The following OSTF1 variants were observed in gnomAD, a reference collection of about 807,000 sequenced individuals.
The protein encoded by OSTF1 is osteoclast-stimulating factor 1.
Under a neutral mutation model 37.2 loss-of-function variants are expected in OSTF1, and 27 were observed. The observed-to-expected ratio is 0.73, with a 90% CI of 0.54 to 1.00. The LOEUF (loss-of-function observed/expected upper bound fraction) is 1.00, where lower values mean the gene tolerates loss of function less well. Among genes scored for constraint, OSTF1 ranks in the 50% least tolerant of loss-of-function variants. The probability of loss-of-function intolerance (pLI) is 0.00; values close to 1 mark genes in which losing one functional copy is unlikely to be tolerated. For missense variants in OSTF1, 232 were observed against 253.8 expected, an observed-to-expected ratio of 0.91 and a Z score of 0.58; for synonymous variants, 82 against 89.2, an observed-to-expected ratio of 0.92 and a Z score of 0.46.
At chr9:75,115,226 C>T (rs1825461381) in intron 1 of OSTF1, among the ~76,000 whole-genome samples, 1 of 152,092 alleles carries the variant, frequency 6.6e-6, no homozygotes, top group Non-Finnish European at 1.5e-5. Flanking sequence ...TTTTCTTGTC[C>T]TAGATAACCA....
chr9:75,112,215 C>T (rs1174349573), intron 1 of OSTF1, among the ~76,000 whole-genome samples: 1 of 151,504 alleles, frequency 6.6e-6, no homozygotes, highest in Non-Finnish European at 1.5e-5. Flanking sequence ...AATGTATAGA[C>T]CTATAGAACA....
At chr9:75,096,880 T>G (rs1204025279) in intron 1 of OSTF1, among the ~76,000 whole-genome samples, 5 of 152,180 alleles carry the variant, frequency 3.3e-5, no homozygotes, top group Admixed American at 3.3e-4. Context: ...AGTCTCATCC[T>G]TCCTTATTTG....
intron 1 of OSTF1, among the ~76,000 whole-genome samples, chr9:75,110,007 A>G (rs537676854): frequency 3.6e-4 from 55 of 152,302 alleles, no homozygotes; most frequent in African/African-American, 1.1e-3. Flanking sequence ...CCCCTCCATT[A>G]TCAACATCCC....
chr9:75,093,023 C>T (rs756214055), intron 1 of OSTF1, among the ~76,000 whole-genome samples: 2 of 149,188 alleles, frequency 1.3e-5, no homozygotes, highest in South Asian at 2.1e-4. Context: ...TTTATGATAC[C>T]CTCTTTCTTT....
chr9:75,116,428 C>T (rs1194425101), intron 1 of OSTF1, among the ~76,000 whole-genome samples: 2 of 152,028 alleles, frequency 1.3e-5, no homozygotes, highest in East Asian at 1.9e-4. Context: ...TTCCTGCCCT[C>T]AAATGAGACA....
intron 8 of OSTF1, among the ~76,000 whole-genome samples, chr9:75,138,023 G>A (rs890753685): frequency 1.3e-5 from 2 of 152,162 alleles, no homozygotes; most frequent in Non-Finnish European, 2.9e-5. Flanking sequence ...AGAATGATGC[G>A]GCTGCAATGT....
intron 1 of OSTF1, among the ~76,000 whole-genome samples, chr9:75,114,483 G>T (rs1282461944): frequency 6.6e-6 from 1 of 152,072 alleles, no homozygotes; most frequent in South Asian, 2.1e-4. Flanking sequence ...TTCTATTATT[G>T]TGTGAAGTTA....
At chr9:75,106,502 G>A (rs1825286147) in intron 1 of OSTF1, among the ~76,000 whole-genome samples, 1 of 151,798 alleles carries the variant, frequency 6.6e-6, no homozygotes, top group South Asian at 2.1e-4. Context: ...CAAATTAGCT[G>A]GACATGGTGG....
intron 1 of OSTF1, among the ~76,000 whole-genome samples, chr9:75,101,230 G>A (rs1036544155): frequency 2.0e-5 from 3 of 152,144 alleles, no homozygotes; most frequent in Admixed American, 6.6e-5. Context: ...GAGTCAGGGC[G>A]TCAGGTCAGG....
chr9:75,108,481 A>C (rs1234926554), intron 1 of OSTF1, among the ~76,000 whole-genome samples: 1 of 152,030 alleles, frequency 6.6e-6, no homozygotes, highest in Non-Finnish European at 1.5e-5. Context: ...ATAAATGATT[A>C]TTCATTGTTG....
intron 3 of OSTF1, 80 bp downstream of exon 3, chr9:75,127,699 A>C (rs1825683239): frequency 1.3e-6 from 1 of 769,778 alleles, no homozygotes; most frequent in African/African-American, 1.8e-5. Flanking sequence ...ATTTAAATAT[A>C]TATGTACATA....
chr9:75,094,732 C>A (rs545851950), intron 1 of OSTF1, among the ~76,000 whole-genome samples: 4 of 152,152 alleles, frequency 2.6e-5, no homozygotes, highest in Admixed American at 2.0e-4. Context: ...ATTCTCTTAT[C>A]AAATTAAAGG....
chr9:75,092,696 C>T (rs1479528287), intron 1 of OSTF1, among the ~76,000 whole-genome samples: 1 of 152,126 alleles, frequency 6.6e-6, no homozygotes, highest in African/African-American at 2.4e-5. Context: ...TTTCAGGTTT[C>T]TTTCTTCTTC....
chr9:75,125,688 G>A (rs79743632), intron 2 of OSTF1, among the ~76,000 whole-genome samples: 8,910 of 152,190 alleles, frequency 0.059, 302 homozygotes, highest in Middle Eastern at 0.088. Context: ...AATGCATAAT[G>A]CATCTAAGTA....
chr9:75,137,879 T>A (rs1169090816), intron 8 of OSTF1, among the ~76,000 whole-genome samples: 2 of 152,222 alleles, frequency 1.3e-5, no homozygotes, highest in Admixed American at 1.3e-4. Context: ...ATTGTATGTT[T>A]CTGCAGGATT....
intron 9 of OSTF1, 31 bp downstream of exon 9, chr9:75,140,963 G>C (rs1430784853): frequency 2.1e-6 from 3 of 1,435,592 alleles, no homozygotes; most frequent in African/African-American, 1.4e-5. Flanking sequence ...TTTCTCCTCT[G>C]GTGCCCCATA....
intron 9 of OSTF1, among the ~76,000 whole-genome samples, chr9:75,146,196 C>G (rs1275112512): frequency 6.6e-6 from 1 of 152,246 alleles, no homozygotes; most frequent in Non-Finnish European, 1.5e-5. Flanking sequence ...TTTTCCCCCC[C>G]ATTTCAGCCT....
chr9:75,143,708 A>T (rs914507761), intron 9 of OSTF1, among the ~76,000 whole-genome samples: 1 of 152,192 alleles, frequency 6.6e-6, no homozygotes, highest in Non-Finnish European at 1.5e-5. Flanking sequence ...ATGTAAAGCC[A>T]GGGTGATGGG....
intron 2 of OSTF1, among the ~76,000 whole-genome samples, chr9:75,119,588 T>C (rs149188096): frequency 1.1e-4 from 16 of 152,292 alleles, no homozygotes; most frequent in African/African-American, 3.4e-4. Flanking sequence ...AGGCCTTGCT[T>C]CTTGGCTTGT....
Sources: allele counts gnomAD v4.1 joint callset (sites outside exome capture counted in the v4.1 genomes callset), GRCh38; gene constraint gnomAD v4.1.1; transcripts MANE v1.5; gene names NCBI Gene and HGNC (gene_info 2026-07-23, HGNC 2026-07-21).